Variants in CDH20 observed in about 807,000 individuals in gnomAD.
CDH20 encodes cadherin 20.
In CDH20, 29 loss-of-function variants were observed where a neutral mutation model predicts 74.2. That is an observed-to-expected ratio of 0.39 (90% CI 0.29 to 0.53). CDH20 has a LOEUF of 0.53. Among genes scored for constraint, CDH20 ranks in the 20% least tolerant of loss-of-function variants. The pLI is 0.69. For missense variants in CDH20, 988 were observed against 1,048.3 expected (o/e 0.94, Z 0.79); for synonymous variants, 469 against 405.4 (o/e 1.16, Z -1.88).
At chr18:61,499,140 C>T (rs768524701) in intron 2 of CDH20, 46 bp from the exon 3 acceptor site, 10 of 1,411,862 alleles carry the variant, frequency 7.1e-6, no homozygotes, top group Admixed American at 4.6e-5. Context: ...TGTTTTCTGA[C>T]ACCTGTTGAC....
At chr18:61,340,131 T>C (rs528981089) in intron 1 of CDH20, among the ~76,000 whole-genome samples, 1 of 151,990 alleles carries the variant, frequency 6.6e-6, no homozygotes, top group South Asian at 2.1e-4. Context: ...CTGCACCTGG[T>C]TTATAACTAA....
intron 1 of CDH20, among the ~76,000 whole-genome samples, chr18:61,359,219 T>A (rs1910604259): frequency 6.6e-6 from 1 of 152,104 alleles, no homozygotes; most frequent in Non-Finnish European, 1.5e-5. Context: ...CATTTTGCAT[T>A]CCCTATAATA....
intron 1 of CDH20, among the ~76,000 whole-genome samples, chr18:61,462,389 T>A (rs1326129642): frequency 6.6e-6 from 1 of 152,160 alleles, no homozygotes; most frequent in Non-Finnish European, 1.5e-5. Context: ...CCTGCCTCAA[T>A]ATTGGGTTAA....
chr18:61,417,906 A>T (rs1243697354), intron 1 of CDH20, among the ~76,000 whole-genome samples: 2 of 152,236 alleles, frequency 1.3e-5, no homozygotes, highest in Non-Finnish European at 2.9e-5. Flanking sequence ...TTGCATCAAA[A>T]TATCACATGT....
intron 1 of CDH20, among the ~76,000 whole-genome samples, chr18:61,394,417 G>C (rs1210285883): frequency 6.6e-6 from 1 of 152,108 alleles, no homozygotes; most frequent in East Asian, 1.9e-4. Flanking sequence ...ATATAAAAAT[G>C]GGAAACTTGT....
At chr18:61,421,649 G>A (rs1912882927) in intron 1 of CDH20, among the ~76,000 whole-genome samples, 1 of 152,112 alleles carries the variant, frequency 6.6e-6, no homozygotes, top group South Asian at 2.1e-4. Context: ...TATTTTGAAT[G>A]TCTATAGCAT....
At chr18:61,549,572 C>T (rs1913362920) in intron 10 of CDH20, among the ~76,000 whole-genome samples, 1 of 152,174 alleles carries the variant, frequency 6.6e-6, no homozygotes, top group South Asian at 2.1e-4. Flanking sequence ...TTCCTGGAGG[C>T]GCAAAGCAGC....
chr18:61,365,619 A>G (rs1365498649), intron 1 of CDH20, among the ~76,000 whole-genome samples: 1 of 152,036 alleles, frequency 6.6e-6, no homozygotes, highest in Non-Finnish European at 1.5e-5. Context: ...CTTATATTTT[A>G]GTTGTCAGTT....
rs572653707 is a variant in CDH20, at chr18:61,547,708, G to GC, written c.1649-2263dup. Among the ~76,000 whole-genome samples, 1,169 of 150,752 alleles carry GC rather than the reference G, an allele frequency of 7.8e-3. 12 individuals carry two copies. The highest frequency in any genetic ancestry group is 0.012 in the Non-Finnish European group (787 of 67,682). On this transcript the variant is annotated intron_variant, in intron 10 of 11. Transcript: ENST00000262717. ...TAGAAATTGAGTCCTGTTTTACCATGCCCCCCCACTACACCCCCGCCCCAC... is the reference window on the plus strand; with the variant it reads ...TAGAAATTGAGTCCTGTTTTACCATGCCCCCCCCACTACACCCCCGCCCCAC...
In CDH20 at chr18:61,550,084, C is replaced by T; in HGVS notation, c.1755C>T (p.Ser585=). 1.2e-6 allele frequency: 2 copies of T among 1,614,242 alleles called. No individual in the cohort carries two copies. Among genetic ancestry groups the T allele is most frequent in the Non-Finnish European group, 1.7e-6 (2 of 1,180,042 alleles). Residue 585 remains serine, a synonymous_variant, in exon 11 of 12, where the codon AGC becomes AGT. Transcript: ENST00000262717. ...LIADSGQPVL[S]STGTLTIQVC... The stretch of plus-strand genomic sequence containing the variant: ...CAGATAGCGGGCAGCCCGTGCTGAG[C>T]AGCACAGGCACACTGACCATCCAAG...
intron 10 of CDH20, among the ~76,000 whole-genome samples, chr18:61,548,865 G>A (rs1035726464): frequency 6.6e-6 from 1 of 152,146 alleles, no homozygotes; most frequent in Non-Finnish European, 1.5e-5. Flanking sequence ...ACATTTAAGA[G>A]GATAGAAAAG....
chr18:61,501,111 G>C (rs1341862397), intron 4 of CDH20, among the ~76,000 whole-genome samples: 1 of 152,208 alleles, frequency 6.6e-6, no homozygotes, highest in Non-Finnish European at 1.5e-5. Context: ...GGAAAGACCA[G>C]GTGGGATGTG....
Position 61,539,051 on chromosome 18 carries a change from C to T in CDH20, c.1436C>T (p.Pro479Leu). Reference protein sequence around the residue: ...MNNPSQVGSVPVTIKVLDVND... With the variant: ...MNNPSQVGSVLVTIKVLDVND... ...AATCCCTCCCAGGTTGGAAGTGTTC[C>T]TGTCACAATCAAAGTCTTAGATGTG... is the stretch of plus-strand genomic sequence containing the variant. Residue 479 changes from proline to leucine, a missense_variant, in exon 9 of 12, where the codon CCT becomes CTT. Transcript: ENST00000262717. The T allele has an allele frequency of 6.2e-7, 1 of 1,613,986 alleles. No homozygotes were observed. Among genetic ancestry groups the T allele is most frequent in the Non-Finnish European group, 8.5e-7 (1 of 1,179,928 alleles).
At chr18:61,339,981 A>C (rs969993358) in intron 1 of CDH20, among the ~76,000 whole-genome samples, 10 of 151,968 alleles carry the variant, frequency 6.6e-5, no homozygotes, top group African/African-American at 2.2e-4. Flanking sequence ...TGAGCCACTG[A>C]GCCCGGCCAG....
At chr18:61,488,653 T>TA (rs1173625993) in intron 1 of CDH20, among the ~76,000 whole-genome samples, 2 of 152,240 alleles carry the variant, frequency 1.3e-5, no homozygotes, top group East Asian at 3.8e-4. Context: ...CATTGTGTCT[T>TA]ACAATATACA....
At chr18:61,412,083 A>C (rs1274570376) in intron 1 of CDH20, among the ~76,000 whole-genome samples, 1 of 152,078 alleles carries the variant, frequency 6.6e-6, no homozygotes, top group Non-Finnish European at 1.5e-5. Context: ...CTATAAGTAA[A>C]ATTAAAAGAT....
intron 1 of CDH20, among the ~76,000 whole-genome samples, chr18:61,339,694 T>TTTTTTTTTTTTC (rs1909877157): frequency 1.1e-5 from 1 of 92,846 alleles, no homozygotes. Context: ...TTTTTTTTTT[T>TTTTTTTTTTTTC]TTTTTTTTTT....
chr18:61,430,000 A>G lies in CDH20; in HGVS notation c.-152-60402A>G, dbSNP rs190817513. On this transcript the variant is annotated intron_variant, in intron 1 of 11. Transcript: ENST00000262717. ...GGAGCTATAACATCAGAGGCAACCCACAGGGGTCATCCTGACAGCACAGGC... is the reference window on the plus strand; with the variant it reads ...GGAGCTATAACATCAGAGGCAACCCGCAGGGGTCATCCTGACAGCACAGGC... Among the ~76,000 whole-genome samples the G allele has an allele frequency of 4.4e-3, 676 of 152,116 alleles. 3 individuals are homozygous for G. Among genetic ancestry groups the G allele is most frequent in the Middle Eastern group, 6.8e-3 (2 of 292 alleles).
rs78424251 is a variant in CDH20, at chr18:61,424,128, A to C, written c.-152-66274A>C. 2.0e-4 allele frequency among the ~76,000 whole-genome samples: 31 copies of C among 152,342 alleles called. No individual in the cohort carries two copies. The East Asian group carries it at 3.9e-3, about 19-fold the overall frequency. On this transcript the variant is annotated intron_variant, in intron 1 of 11. Coordinates refer to ENST00000262717, the MANE Select transcript of CDH20 (RefSeq NM_031891.4). The stretch of plus-strand genomic sequence containing the variant: ...TGTACATACTTACGGGGTACATGTG[A>C]TATTTTGATACATGCATATGATGTG...
Sources: allele counts gnomAD v4.1 joint callset (sites outside exome capture counted in the v4.1 genomes callset), GRCh38; gene constraint gnomAD v4.1.1; transcripts MANE v1.5; gene names NCBI Gene and HGNC (gene_info 2026-07-23, HGNC 2026-07-21).